Variants in PRDM15 observed in about 807,000 individuals in gnomAD.
The protein encoded by PRDM15 is PR/SET domain 15.
Under a neutral mutation model 128.6 loss-of-function variants are expected in PRDM15, and 64 were observed. The observed-to-expected ratio is 0.50, with a 90% CI of 0.41 to 0.61. The LOEUF is 0.61. Ranked by LOEUF, PRDM15 falls within the 20% of genes least tolerant of loss-of-function variation. The probability of loss-of-function intolerance (pLI) is 0.00; values close to 1 mark genes in which losing one functional copy is unlikely to be tolerated. For synonymous variants in PRDM15, 615 were observed against 621.8 expected (o/e 0.99, Z 0.16); for missense variants, 1,242 against 1,569.1 (o/e 0.79, Z 3.52).
chr21:41,873,098 C>T (rs1398216703), intron 1 of PRDM15, among the ~76,000 whole-genome samples: 1 of 152,210 alleles, frequency 6.6e-6, no homozygotes, highest in Non-Finnish European at 1.5e-5. Flanking sequence ...ACCTCTCCTC[C>T]TTGTCCCATG....
Position 41,835,252 on chromosome 21 carries a change from T to G in PRDM15, c.1366+185A>C, listed in dbSNP as rs2062833430. On this transcript the variant is annotated intron_variant, in intron 11 of 23. Transcript: ENST00000398548. ...AATCAATCCCTTTTTACTGGAAAGTTTCCATCTGTGTATCTTTAGGGTAAC... is the reference window on the plus strand; with the variant it reads ...AATCAATCCCTTTTTACTGGAAAGTGTCCATCTGTGTATCTTTAGGGTAAC... Among the ~76,000 whole-genome samples the G allele has an allele frequency of 2.6e-5, 4 of 152,182 alleles. 1 individual carries two copies. The South Asian group carries it at 8.3e-4, about 31-fold the overall frequency.
rs1323475548 is a variant in PRDM15, at chr21:41,799,768, G to A, written c.*1472C>T. ...TCCTCAAGATGGACTCCCAGTGAGT[G>A]CAGGATCTGGGATAACTGGCAAAGC... On this transcript the variant is annotated 3_prime_UTR_variant, in exon 24 of 24. Coordinates refer to ENST00000398548, the MANE Select transcript of PRDM15 (RefSeq NM_001040424.3). 1.3e-5 allele frequency: 2 copies of A among 152,644 alleles called. No individual in the cohort carries two copies. The allele number at this position is 152,644 out of a possible 1,614,324, so 9.5% of individuals were successfully genotyped here.
intron 1 of PRDM15, among the ~76,000 whole-genome samples, chr21:41,873,659 C>T (rs1601499028): frequency 6.6e-6 from 1 of 152,130 alleles, no homozygotes; most frequent in East Asian, 1.9e-4. Context: ...CTTTCTGAAC[C>T]TCTTAGTTTC....
intron 1 of PRDM15, among the ~76,000 whole-genome samples, chr21:41,870,020 A>G (rs2064156830): frequency 6.6e-6 from 1 of 152,180 alleles, no homozygotes; most frequent in Non-Finnish European, 1.5e-5. Flanking sequence ...TGCAGCTTTA[A>G]TCAAGTCTCA....
At chr21:41,848,590 C>T (rs749340580) in intron 5 of PRDM15, among the ~76,000 whole-genome samples, 3 of 152,162 alleles carry the variant, frequency 2.0e-5, no homozygotes, top group Non-Finnish European at 2.9e-5. Context: ...TACACGGGTT[C>T]CAAAGAGAGA....
intron 21 of PRDM15, among the ~76,000 whole-genome samples, chr21:41,809,293 C>T (rs1032758961): frequency 4.8e-5 from 7 of 146,790 alleles, no homozygotes; most frequent in South Asian, 2.1e-4. Context: ...AGTGCAGTGG[C>T]GCAATCTCGG....
intron 11 of PRDM15, among the ~76,000 whole-genome samples, chr21:41,829,826 T>TA (rs1229068788): frequency 5.0e-5 from 7 of 138,704 alleles, no homozygotes; most frequent in Non-Finnish European, 1.1e-4. Flanking sequence ...ACACCCCACA[T>TA]ACACACATTC....
At chr21:41,825,811 G>A in intron 13 of PRDM15, 149 bp downstream of exon 13, 1 of 597,286 alleles carries the variant, frequency 1.7e-6, no homozygotes, top group Non-Finnish European at 2.9e-6. Flanking sequence ...TGTTTAAAAT[G>A]GGTGGACACC....
At chr21:41,858,246 G>GCCGGGACGAGCCCAGGACACGT (rs1263693555) in intron 3 of PRDM15, among the ~76,000 whole-genome samples, 1 of 152,268 alleles carries the variant, frequency 6.6e-6, no homozygotes, top group African/African-American at 2.4e-5. Context: ...AGGCATAGGA[G>GCCGGGACGAGCCCAGGACACGT]CCGGGACGAG....
In PRDM15 at chr21:41,810,373, G is replaced by C. The variant is rs2061825757; in HGVS notation, c.2477-44C>G. 6.3e-7 allele frequency: 1 copy of C among 1,580,228 alleles called. No individual in the cohort carries two copies. On this transcript the variant is annotated intron_variant, in intron 20 of 23. Coordinates refer to ENST00000398548, the MANE Select transcript of PRDM15 (RefSeq NM_001040424.3). This position sits in a 1 kb window ranked among gnomAD's most constrained non-coding sequence, Gnocchi z 6.4. ...ACACACATGCGCGTGGAAAGGAAGA[G>C]ACACGCAGGTCACTAGTGCAGCCAT...
chr21:41,803,170 T>G (rs939928187), intron 22 of PRDM15: 8 of 545,242 alleles, frequency 1.5e-5, no homozygotes, highest in Non-Finnish European at 2.0e-5. Context: ...TATTTTATGC[T>G]AAAATGTAAA....
rs370270168 is a variant in PRDM15, at chr21:41,845,482, C to G, written c.640+1608G>C. On this transcript the variant is annotated intron_variant, in intron 6 of 23. Transcript: ENST00000398548. ...CTGCCGCAGAAGGCAGAGCCGTCACCTGGAAGGAATGCTCAGGACCCCTCC... is the reference window on the plus strand; with the variant it reads ...CTGCCGCAGAAGGCAGAGCCGTCACGTGGAAGGAATGCTCAGGACCCCTCC... Among the ~76,000 whole-genome samples the G allele has an allele frequency of 1.2e-4, 18 of 151,804 alleles. 2 individuals are homozygous for G. The highest frequency in any genetic ancestry group is 3.9e-4 in the Admixed American group (6 of 15,272).
chr21:41,800,984 C>A lies in PRDM15; in HGVS notation c.*256G>T. The A allele has an allele frequency of 2.3e-6, 1 of 430,014 alleles. No individual in the cohort carries two copies. The highest frequency in any genetic ancestry group is 4.0e-5 in the Admixed American group (1 of 25,118). 26.6% of individuals were successfully genotyped at this position (430,014 alleles called of 1,614,324 possible). On this transcript the variant is annotated 3_prime_UTR_variant, in exon 24 of 24. Transcript: ENST00000398548. ...AGGGGAGGCAGATGCGGCCCCGGCC[C>A]AGGACTTACTGCCTTGGTAAGGCAT...
chr21:41,866,816 G>T (rs1018977545), intron 1 of PRDM15, among the ~76,000 whole-genome samples: 7 of 152,170 alleles, frequency 4.6e-5, no homozygotes, highest in African/African-American at 1.7e-4. Context: ...TGCGACCGGG[G>T]CCTGCACAGG....
In PRDM15 at chr21:41,811,189, G is replaced by A. The variant is rs34621854; in HGVS notation, c.2393-353C>T. 0.45 allele frequency: 112,163 copies of A among 249,642 alleles called. 25,972 individuals are homozygous for A. Among genetic ancestry groups the A allele is most frequent in the African/African-American group, 0.5 (22,915 of 45,996 alleles). The allele number at this position is 249,642 out of a possible 1,614,324, so 15.5% of individuals were successfully genotyped here. A position where few individuals can be genotyped will look rare whatever the true frequency, so the allele number is the denominator to read the frequency against. ...CTCCCTTAGTCCAGGAAGCTCTTAG[G>A]CAGCACATGTGATATTACAATGAGA... On this transcript the variant is annotated intron_variant, in intron 19 of 23. Coordinates refer to ENST00000398548, the MANE Select transcript of PRDM15 (RefSeq NM_001040424.3). This position sits in a 1 kb window ranked among gnomAD's most constrained non-coding sequence, Gnocchi z 4.1.
rs1340263230 is a variant in PRDM15 at position 41,862,161 on chromosome 21, G to C, written c.-9-1789C>G. 6.6e-6 allele frequency among the ~76,000 whole-genome samples: 1 copy of C among 152,148 alleles called. No individual in the cohort carries two copies. The highest frequency in any genetic ancestry group is 2.4e-5 in the African/African-American group (1 of 41,438). ...CATGAGTTGCTGCTGTGCTACTGGA[G>C]GTGTAGGACCTGCGTGCCCCCTGCA... On this transcript the variant is annotated intron_variant, in intron 1 of 23. Coordinates refer to ENST00000398548, the MANE Select transcript of PRDM15 (RefSeq NM_001040424.3). This position sits in a 1 kb window ranked among gnomAD's most constrained non-coding sequence, Gnocchi z 4.1.
At chr21:41,825,849 T>C in intron 13 of PRDM15, 111 bp downstream of exon 13, 1 of 847,122 alleles carries the variant, frequency 1.2e-6, no homozygotes, top group Non-Finnish European at 1.9e-6. Flanking sequence ...GCACCCATCG[T>C]TACCCCCCAA....
At chr21:41,807,707 T>C (rs1262303432) in intron 21 of PRDM15, among the ~76,000 whole-genome samples, 1 of 152,170 alleles carries the variant, frequency 6.6e-6, no homozygotes, top group Non-Finnish European at 1.5e-5. Flanking sequence ...GGCATTTGTT[T>C]GAGTTAATGT....
chr21:41,825,031 G>A (rs1318051780), intron 13 of PRDM15, among the ~76,000 whole-genome samples: 3 of 152,178 alleles, frequency 2.0e-5, no homozygotes, highest in Non-Finnish European at 2.9e-5. Flanking sequence ...TCCCCTCGGC[G>A]GCTCCTAAAG....
Sources: gnomAD v4.1 joint callset for allele counts (sites outside exome capture counted in the v4.1 genomes callset) on GRCh38, gnomAD v4.1.1 for gene constraint, Gnocchi (gnomAD v3.1) non-coding constraint, MANE v1.5 for transcripts, NCBI Gene and HGNC (gene_info 2026-07-23, HGNC 2026-07-21) for gene names.